The following MAPK8IP3 variants were observed in gnomAD, a reference collection of about 807,000 sequenced individuals.
The protein encoded by MAPK8IP3 is mitogen-activated protein kinase 8 interacting protein 3.
A neutral mutation model predicts 157.8 loss-of-function variants in MAPK8IP3; 49 were observed. That is an observed-to-expected ratio of 0.31 (90% CI 0.25 to 0.39). The LOEUF is 0.39. Among genes scored for constraint, MAPK8IP3 ranks in the 10% least tolerant of loss-of-function variants. MAPK8IP3 has a pLI of 1.00. For missense variants in MAPK8IP3, 1,478 were observed against 1,889.4 expected (o/e 0.78, Z 4.04); for synonymous variants, 897 against 777.7 (o/e 1.15, Z -2.55).
intron 1 of MAPK8IP3, among the ~76,000 whole-genome samples, chr16:1,717,054 G>A (rs1383548632): frequency 2.7e-5 from 4 of 149,856 alleles, no homozygotes; most frequent in Non-Finnish European, 3.0e-5. Flanking sequence ...GCGAGATGCC[G>A]TCTCAAAAAA....
At chr16:1,733,017 C>A (rs2039418428) in intron 4 of MAPK8IP3, among the ~76,000 whole-genome samples, 1 of 152,362 alleles carries the variant, frequency 6.6e-6, no homozygotes, top group African/African-American at 2.4e-5. Flanking sequence ...GCTGGGACAT[C>A]CTCACCTCTG....
intron 13 of MAPK8IP3, among the ~76,000 whole-genome samples, 172 bp downstream of exon 13, chr16:1,761,477 GCGGGGCGGC>G (rs2041938429): frequency 6.8e-6 from 1 of 147,642 alleles, no homozygotes. Flanking sequence ...CCATTCACAG[GCGGGGCGGC>G]CACCATTCAC....
chr16:1,759,536 C>T (rs531707203), intron 10 of MAPK8IP3, among the ~76,000 whole-genome samples: 1 of 152,324 alleles, frequency 6.6e-6, no homozygotes, highest in Admixed American at 6.5e-5. Context: ...CGCCCCATCG[C>T]CGCACCCCAG....
At chr16:1,763,573 CG>C in intron 16 of MAPK8IP3, 83 bp from the exon 17 acceptor site, 1 of 1,382,340 alleles carries the variant, frequency 7.2e-7, no homozygotes, top group East Asian at 2.9e-5. Flanking sequence ...GCCTCCCTGC[CG>C]TGACCTCCCC....
At chr16:1,749,584 A>G (rs1201485819) in intron 8 of MAPK8IP3, among the ~76,000 whole-genome samples, 1 of 152,220 alleles carries the variant, frequency 6.6e-6, no homozygotes, top group Non-Finnish European at 1.5e-5. Flanking sequence ...TCCTGTGCTC[A>G]TGGCATCTGC....
chr16:1,727,030 GT>G (rs139140580), intron 2 of MAPK8IP3, among the ~76,000 whole-genome samples: 1 of 151,980 alleles, frequency 6.6e-6, no homozygotes, highest in East Asian at 1.9e-4. Flanking sequence ...TGCGGCATCT[GT>G]GTGAGTCATG....
intron 6 of MAPK8IP3, among the ~76,000 whole-genome samples, chr16:1,747,857 T>C (rs1262143605): frequency 1.4e-5 from 2 of 146,350 alleles, no homozygotes; most frequent in South Asian, 2.2e-4. Context: ...CGTCACCCCA[T>C]GGCACACAGC....
intron 16 of MAPK8IP3, 29 bp downstream of exon 16, chr16:1,763,035 C>A (rs952012142): frequency 1.9e-6 from 3 of 1,611,358 alleles, no homozygotes; most frequent in Non-Finnish European, 2.5e-6. Flanking sequence ...CCACTTGTGG[C>A]CTGCAATGGG....
chr16:1,741,355 G>T lies in MAPK8IP3; in HGVS notation c.603-1977G>T, dbSNP rs1245081916. 2.0e-5 allele frequency among the ~76,000 whole-genome samples: 3 copies of T among 152,156 alleles called. No individual in the cohort carries two copies. Among genetic ancestry groups the T allele is most frequent in the African/African-American group, 7.2e-5 (3 of 41,440 alleles). ...GGGAGGAGCAAAGGAAAGAGTGAAG[G>T]CAGCTCCTGATCCTGGGTGATTTCT... On this transcript the variant is annotated intron_variant, in intron 4 of 31. Coordinates refer to ENST00000610761, the MANE Select transcript of MAPK8IP3 (RefSeq NM_001318852.2). The surrounding 1 kb of genome is among the most constrained non-coding windows in gnomAD (Gnocchi z 6.9).
chr16:1,764,310 G>T lies in MAPK8IP3; in HGVS notation c.2131G>T (p.Ala711Ser). 6.3e-7 allele frequency: 1 copy of T among 1,577,010 alleles called. No homozygotes were observed. The highest frequency in any genetic ancestry group is 8.6e-7 in the Non-Finnish European group (1 of 1,162,668). Reference protein sequence around the residue: ...EKDPTMKLWCAAGVNLSGWRP... With the variant: ...EKDPTMKLWCSAGVNLSGWRP... ...GGCCCTGCCCTTGCAGCTGTGGTGT[G>T]CCGCGGGCGTCAACCTGAGCGGGTG... Residue 711 changes from alanine to serine, a missense_variant, in exon 19 of 32, where the codon GCC becomes TCC. By Grantham distance (99) the Ala-to-Ser change is moderately conservative. Coordinates refer to ENST00000610761, the MANE Select transcript of MAPK8IP3 (RefSeq NM_001318852.2).
chr16:1,713,757 T>G (rs2037950612), intron 1 of MAPK8IP3: 1 of 152,216 alleles, frequency 6.6e-6, no homozygotes, highest in Admixed American at 6.5e-5. Flanking sequence ...AGGATCGACT[T>G]TTTCGCCTTG....
chr16:1,745,106 A>C (rs1188680958), intron 5 of MAPK8IP3: 1 of 985,280 alleles, frequency 1.0e-6, no homozygotes, highest in Non-Finnish European at 1.2e-6. Flanking sequence ...GCCTTTAGGT[A>C]AGTTGTGGCC....
intron 1 of MAPK8IP3, among the ~76,000 whole-genome samples, chr16:1,722,479 G>A (rs2038592846): frequency 6.6e-6 from 1 of 152,164 alleles, no homozygotes; most frequent in South Asian, 2.1e-4. Flanking sequence ...GAACACAGCT[G>A]TGGCCACTAC....
rs765021200 is a variant in MAPK8IP3, at chr16:1,768,020, C to T, written c.3524-49C>T. The T allele has an allele frequency of 5.0e-6, 8 of 1,611,058 alleles. No individual in the cohort carries two copies. The South Asian group carries it at 8.8e-5, about 18-fold the overall frequency. On this transcript the variant is annotated intron_variant, in intron 28 of 31. Coordinates refer to ENST00000610761, the MANE Select transcript of MAPK8IP3 (RefSeq NM_001318852.2). Reference sequence around the variant, plus strand: ...CCACCTTGGAGGGTGCCTTGCTGCCCCTACGCTGACCGCTCTCCTCTTCTC... The same window carrying T: ...CCACCTTGGAGGGTGCCTTGCTGCCTCTACGCTGACCGCTCTCCTCTTCTC...
chr16:1,733,828 A>T (rs2039474220), intron 4 of MAPK8IP3, among the ~76,000 whole-genome samples: 1 of 152,188 alleles, frequency 6.6e-6, no homozygotes. Flanking sequence ...TCATTTTGTA[A>T]GGGATGGATC....
In MAPK8IP3 at chr16:1,710,539, A is replaced by G. The variant is rs1296630915; in HGVS notation, c.318+3882A>G. Among the ~76,000 whole-genome samples, 1 of 152,212 alleles carries G rather than the reference A, an allele frequency of 6.6e-6. No individual in the cohort carries two copies. Among genetic ancestry groups the G allele is most frequent in the Non-Finnish European group, 1.5e-5 (1 of 68,044 alleles). ...CCATTTCATAGACTATTTGGGTAGGATTCAGCTGGAGAAAACAAACACCAT... is the reference window on the plus strand; with the variant it reads ...CCATTTCATAGACTATTTGGGTAGGGTTCAGCTGGAGAAAACAAACACCAT... On this transcript the variant is annotated intron_variant, in intron 1 of 31. Transcript: ENST00000610761. This position sits in a 1 kb window ranked among gnomAD's most constrained non-coding sequence, Gnocchi z 4.1.
At chr16:1,766,481 C>G in intron 22 of MAPK8IP3, 48 bp from the exon 23 acceptor site, 1 of 1,603,530 alleles carries the variant, frequency 6.2e-7, no homozygotes, top group Non-Finnish European at 8.5e-7. Flanking sequence ...GGTCTTGGGG[C>G]AGGTGCGTGC....
At chr16:1,749,685 C>T (rs765954526) in intron 8 of MAPK8IP3, among the ~76,000 whole-genome samples, 9 of 152,374 alleles carry the variant, frequency 5.9e-5, no homozygotes, top group South Asian at 4.1e-4. Context: ...TCCCCTTGCA[C>T]GCGTCAGGGT....
intron 4 of MAPK8IP3, among the ~76,000 whole-genome samples, chr16:1,737,192 GTGAGCGTGTGACCA>G (rs2040008333): frequency 1.0e-5 from 1 of 98,236 alleles, no homozygotes; most frequent in Non-Finnish European, 2.1e-5. Flanking sequence ...GACCGTCCGT[GTGAGCGTGTGACCA>G]TCCGTGAGAG....
Sources: allele counts gnomAD v4.1 joint callset (sites outside exome capture counted in the v4.1 genomes callset), GRCh38; gene constraint gnomAD v4.1.1; non-coding constraint Gnocchi (gnomAD v3.1); transcripts MANE v1.5; gene names NCBI Gene and HGNC (gene_info 2026-07-23, HGNC 2026-07-21).